The following FARP2 variants were observed in gnomAD, a reference collection of about 807,000 sequenced individuals.
FARP2 encodes FERM, ARHGEF and pleckstrin domain-containing protein 2.
Under a neutral mutation model 130.5 loss-of-function variants are expected in FARP2, and 111 were observed. The observed-to-expected ratio is 0.85, with a 90% confidence interval of 0.73 to 1.00. FARP2 has a LOEUF of 1.00. Among genes scored for constraint, FARP2 ranks in the 50% least tolerant of loss-of-function variants. FARP2 has a pLI of 0.00. For synonymous variants in FARP2, 504 were observed against 516.9 expected, an observed-to-expected ratio of 0.98 and a Z score of 0.34; for missense variants, 1,385 against 1,346.3, an observed-to-expected ratio of 1.03 and a Z score of -0.45.
intron 8 of FARP2, among the ~76,000 whole-genome samples, chr2:241,421,169 C>T (rs2062797212): frequency 6.6e-6 from 1 of 152,160 alleles, no homozygotes; most frequent in African/African-American, 2.4e-5. Flanking sequence ...GTTTGCAACC[C>T]ACAGATCAGG....
chr2:241,466,290 G>A, intron 17 of FARP2: 1 of 985,448 alleles, frequency 1.0e-6, no homozygotes, highest in South Asian at 4.7e-5. Flanking sequence ...TCCCGGAGTA[G>A]TGCTTGTCTT....
intron 14 of FARP2, among the ~76,000 whole-genome samples, chr2:241,457,338 T>A (rs1163461875): frequency 6.6e-6 from 1 of 151,746 alleles, no homozygotes; most frequent in Non-Finnish European, 1.5e-5. Context: ...CTTTGACAAT[T>A]GAGTAACTGG....
At chr2:241,418,750 G>A (rs1303939144) in intron 8 of FARP2, among the ~76,000 whole-genome samples, 1 of 152,176 alleles carries the variant, frequency 6.6e-6, no homozygotes, top group Non-Finnish European at 1.5e-5. Context: ...TGTCCAAGAA[G>A]CTTAAGTGTG....
chr2:241,429,257 T>C (rs1559760799), intron 8 of FARP2, among the ~76,000 whole-genome samples: 2 of 150,812 alleles, frequency 1.3e-5, no homozygotes, highest in Non-Finnish European at 3.0e-5. Context: ...TGTCTCAGTG[T>C]TGTTTACTAC....
At position 241,373,188 on chromosome 2, in the gene FARP2, C is replaced by T. The variant is rs2061461422; in HGVS notation, c.81C>T (p.Ser27=). The T allele has an allele frequency of 2.5e-6, 4 of 1,581,708 alleles. No individual in the cohort carries two copies. In the African/African-American group the frequency reaches 5.4e-5, roughly 21 times the overall value. ...GTGCCCAGACCCCTGTGGGAGTTAG[C>T]ACCCTTGAGCCTGGGCAGACTCTCT... The part of the protein sequence containing the change: ...RLGAQTPVGV[S]TLEPGQTLLP... Residue 27 remains serine, a synonymous_variant, in exon 2 of 27, where the codon AGC becomes AGT. Coordinates refer to ENST00000264042, the MANE Select transcript of FARP2 (RefSeq NM_014808.4).
intron 13 of FARP2, 146 bp downstream of exon 13, chr2:241,441,702 C>T (rs1420693244): frequency 1.6e-6 from 2 of 1,224,976 alleles, no homozygotes; most frequent in South Asian, 2.6e-5. Flanking sequence ...ATGACTTTAC[C>T]ACAGGCTCAT....
intron 2 of FARP2, among the ~76,000 whole-genome samples, chr2:241,381,824 C>T (rs892978505): frequency 2.6e-5 from 4 of 152,224 alleles, no homozygotes; most frequent in African/African-American, 9.6e-5. Flanking sequence ...TTAACACTTG[C>T]ACTGCAGCAT....
At chr2:241,462,356 A>C (rs1002306791) in intron 14 of FARP2, among the ~76,000 whole-genome samples, 167 bp from the exon 15 acceptor site, 3 of 152,196 alleles carry the variant, frequency 2.0e-5, no homozygotes, top group Admixed American at 6.5e-5. Context: ...GAATAACAGG[A>C]TTATGTTTTT....
At chr2:241,465,190 C>G (rs1172817330) in intron 17 of FARP2, among the ~76,000 whole-genome samples, 1 of 152,132 alleles carries the variant, frequency 6.6e-6, no homozygotes, top group African/African-American at 2.4e-5. Flanking sequence ...TCCCCCAGAA[C>G]AGTGTTCACC....
intron 5 of FARP2, among the ~76,000 whole-genome samples, chr2:241,408,138 G>C (rs1409373811): frequency 6.6e-6 from 1 of 152,200 alleles, no homozygotes; most frequent in African/African-American, 2.4e-5. Flanking sequence ...GGGAGGCCAA[G>C]GCGGGCAGAT....
At chr2:241,366,125 A>ATATATATATACGTG (rs1553705676) in intron 1 of FARP2, among the ~76,000 whole-genome samples, 1 of 67,368 alleles carries the variant, frequency 1.5e-5, no homozygotes, top group South Asian at 5.0e-4. Flanking sequence ...ATATATACGT[A>ATATATATATACGTG]TATATATATA....
intron 5 of FARP2, among the ~76,000 whole-genome samples, chr2:241,410,071 A>G (rs1449816205): frequency 6.6e-6 from 1 of 152,204 alleles, no homozygotes; most frequent in Admixed American, 6.5e-5. Context: ...TTGCATTTCC[A>G]GCTCCCAGAA....
chr2:241,386,988 T>G (rs1323390677), intron 2 of FARP2, among the ~76,000 whole-genome samples: 2 of 152,266 alleles, frequency 1.3e-5, no homozygotes, highest in African/African-American at 4.8e-5. Context: ...GGAATATACT[T>G]GGGATACCCA....
intron 6 of FARP2, among the ~76,000 whole-genome samples, chr2:241,412,941 T>G (rs547567143): frequency 1.3e-5 from 2 of 152,274 alleles, no homozygotes; most frequent in Admixed American, 1.3e-4. Flanking sequence ...GGCGGGCAGA[T>G]TGCTTGAGTC....
intron 14 of FARP2, among the ~76,000 whole-genome samples, chr2:241,461,574 G>C (rs1221129423): frequency 6.6e-6 from 1 of 152,224 alleles, no homozygotes; most frequent in Non-Finnish European, 1.5e-5. Flanking sequence ...CCCCTCCTCT[G>C]CTCTGCGTTA....
Position 241,493,018 on chromosome 2 carries a change from C to G in FARP2, c.2877C>G (p.Phe959Leu), listed in dbSNP as rs749207353. The change falls in exon 25 of 27, where the codon TTC becomes TTG. Residue 959 changes from phenylalanine to leucine, a missense_variant. Physicochemically the swap from Phe to Leu is conservative, Grantham distance 22. Coordinates refer to ENST00000264042, the MANE Select transcript of FARP2 (RefSeq NM_014808.4). The part of the protein sequence containing the change: ...LWVVFTNFCL[F>L]FYKTHQDDYP... ...TCGTCTTTACCAACTTCTGTTTGTT[C>G]TTCTACAAAACTCATCAGGTACTGG... The G allele has an allele frequency of 6.2e-7, 1 of 1,600,862 alleles. No homozygotes were observed. Among genetic ancestry groups the G allele is most frequent in the South Asian group, 1.1e-5 (1 of 90,824 alleles).
chr2:241,450,256 G>A (rs986611403), intron 13 of FARP2, among the ~76,000 whole-genome samples: 5 of 151,932 alleles, frequency 3.3e-5, no homozygotes, highest in Middle Eastern at 3.4e-3. Flanking sequence ...CCAGCTACTC[G>A]GAAGGCTGAG....
Position 241,491,144 on chromosome 2 carries a change from C to CCAG in FARP2, c.2588_2589insCAG (p.Ala863_Leu864insArg). 1 of 1,613,194 alleles carries CCAG rather than the reference C, an allele frequency of 6.2e-7. No individual in the cohort carries two copies. ...AAGAGTGGCGGTGACACGGCCCCTG[C>CCAG]ACTGCCAGGCCGCACTGTGTGCACT... On this transcript the variant is annotated inframe_insertion, in exon 23 of 27. Transcript: ENST00000264042.
intron 7 of FARP2, among the ~76,000 whole-genome samples, chr2:241,416,204 T>C (rs933753971): frequency 3.3e-5 from 5 of 152,160 alleles, no homozygotes; most frequent in South Asian, 2.1e-4. Flanking sequence ...GCACATGTTC[T>C]TGTGCCTGTG....
Sources: gnomAD v4.1 joint callset for allele counts (sites outside exome capture counted in the v4.1 genomes callset) on GRCh38, gnomAD v4.1.1 for gene constraint, MANE v1.5 for transcripts, NCBI Gene and HGNC (gene_info 2026-07-23, HGNC 2026-07-21) for gene names.